The following IPCEF1 variants were observed in gnomAD, a reference collection of about 807,000 sequenced individuals.
IPCEF1 encodes interactor protein for cytohesin exchange factors 1.
IPCEF1 carries 31 observed loss-of-function variants against 50.9 expected under a neutral mutation model. That is an observed-to-expected ratio of 0.61 (90% CI 0.46 to 0.82). The LOEUF (loss-of-function observed/expected upper bound fraction) is 0.82, where lower values mean the gene tolerates loss of function less well. Ranked by LOEUF, IPCEF1 falls within the 40% of genes least tolerant of loss-of-function variation. IPCEF1 has a pLI of 0.00. For missense variants in IPCEF1, 458 were observed against 514.0 expected (o/e 0.89, Z 1.05); for synonymous variants, 181 against 192.0 (o/e 0.94, Z 0.47).
chr6:154,243,311 G>A (rs1401993624), intron 5 of IPCEF1, among the ~76,000 whole-genome samples: 2 of 152,212 alleles, frequency 1.3e-5, no homozygotes, highest in Non-Finnish European at 2.9e-5. Context: ...TTCTACGGCT[G>A]TTAAACTTGC....
Position 154,248,306 on chromosome 6 carries a change from C to CGTGTAT in IPCEF1, c.37-819_37-818insATACAC, listed in dbSNP as rs138534076. Among the ~76,000 whole-genome samples the CGTGTAT allele has an allele frequency of 2.9e-3, 426 of 147,344 alleles. 2 individuals carry two copies. Among genetic ancestry groups the CGTGTAT allele is most frequent in the African/African-American group, 0.01 (416 of 40,408 alleles). ...AAATATTTTTAAGTGCTTTAAAATA[C>CGTGTAT]GTGTGTGTGTGTGTGTGTGTGTGTG... On this transcript the variant is annotated intron_variant, in intron 3 of 11. Transcript: ENST00000367220.
chr6:154,203,936 G>T (rs964551890), intron 9 of IPCEF1, among the ~76,000 whole-genome samples: 1 of 152,130 alleles, frequency 6.6e-6, no homozygotes, highest in Non-Finnish European at 1.5e-5. Flanking sequence ...GGGGCTATCG[G>T]TGCCAATTAC....
intron 10 of IPCEF1, among the ~76,000 whole-genome samples, chr6:154,182,606 C>T (rs566136125): frequency 1.7e-4 from 26 of 152,126 alleles, no homozygotes; most frequent in Non-Finnish European, 3.2e-4. Flanking sequence ...CGTTGGTGTA[C>T]ATACAAAAAA....
chr6:154,254,793 T>G (rs73001447), intron 3 of IPCEF1, among the ~76,000 whole-genome samples: 19,285 of 152,236 alleles, frequency 0.13, 1,412 homozygotes, highest in Non-Finnish European at 0.17. Context: ...TTTGATTTTT[T>G]TTAATATAAC....
chr6:154,259,201 A>G (rs561946713), intron 3 of IPCEF1, among the ~76,000 whole-genome samples: 2 of 152,360 alleles, frequency 1.3e-5, no homozygotes, highest in South Asian at 4.1e-4. Context: ...AATTCACAGG[A>G]AGAGTTGACT....
intron 1 of IPCEF1, among the ~76,000 whole-genome samples, chr6:154,345,506 T>C (rs1203922531): frequency 6.6e-6 from 1 of 152,176 alleles, no homozygotes; most frequent in Admixed American, 6.6e-5. Flanking sequence ...TACAAGCCAA[T>C]TAAGAATAAT....
Position 154,168,166 on chromosome 6 carries a change from G to T in IPCEF1, c.911-53C>A. On this transcript the variant is annotated intron_variant, in intron 10 of 11. Coordinates refer to ENST00000367220, the MANE Select transcript of IPCEF1 (RefSeq NM_001130700.2). The surrounding 1 kb of genome is among the most constrained non-coding windows in gnomAD (Gnocchi z 4.1). ...AACAATAAACCCAGTGAAAAATCAA[G>T]GAGAGAACATTCAATACTGTGGTCC... 7.2e-7 allele frequency: 1 copy of T among 1,383,694 alleles called. No individual in the cohort carries two copies. The highest frequency in any genetic ancestry group is 9.8e-7 in the Non-Finnish European group (1 of 1,017,606). The allele number at this position is 1,383,694 out of a possible 1,614,324, so 85.7% of individuals were successfully genotyped here.
chr6:154,321,153 A>C (rs1256208165), intron 1 of IPCEF1, among the ~76,000 whole-genome samples: 1 of 150,992 alleles, frequency 6.6e-6, no homozygotes, highest in Admixed American at 6.6e-5. Context: ...CTAGTTTCGA[A>C]CTTCTGGGCT....
chr6:154,216,509 C>T (rs999509920), intron 7 of IPCEF1, among the ~76,000 whole-genome samples: 2 of 152,112 alleles, frequency 1.3e-5, no homozygotes, highest in Admixed American at 6.5e-5. Context: ...ACTTCAAAAA[C>T]GATATGTTTT....
intron 11 of IPCEF1, among the ~76,000 whole-genome samples, chr6:154,160,469 T>C (rs1225580862): frequency 2.0e-5 from 3 of 152,248 alleles, no homozygotes; most frequent in Non-Finnish European, 4.4e-5. Flanking sequence ...ACATAAAATA[T>C]GTCTTTTAAG....
At chr6:154,193,166 A>G (rs1374906616) in intron 10 of IPCEF1, among the ~76,000 whole-genome samples, 1 of 152,210 alleles carries the variant, frequency 6.6e-6, no homozygotes, top group Non-Finnish European at 1.5e-5. Flanking sequence ...GTACATATAT[A>G]CCATAGAATA....
chr6:154,281,772 G>A (rs909589878), intron 2 of IPCEF1, among the ~76,000 whole-genome samples: 1 of 152,138 alleles, frequency 6.6e-6, no homozygotes, highest in Non-Finnish European at 1.5e-5. Context: ...GGAGGCTGAG[G>A]TGGGTGGATC....
intron 11 of IPCEF1, among the ~76,000 whole-genome samples, chr6:154,160,516 T>A (rs1372455110): frequency 6.6e-6 from 1 of 152,244 alleles, no homozygotes; most frequent in Non-Finnish European, 1.5e-5. Flanking sequence ...ATAAATCACA[T>A]TTATTTAATA....
chr6:154,253,046 C>A (rs938468709), intron 3 of IPCEF1, among the ~76,000 whole-genome samples: 1 of 152,160 alleles, frequency 6.6e-6, no homozygotes, highest in African/African-American at 2.4e-5. Context: ...TCATCCATTT[C>A]TTTCTGCCTT....
At chr6:154,247,229 T>C in intron 4 of IPCEF1, 1 of 527,180 alleles carries the variant, frequency 1.9e-6, no homozygotes, top group South Asian at 2.8e-5. Flanking sequence ...TGCCAGTTTT[T>C]CTAAGCTCTT....
chr6:154,276,132 C>T (rs371845884), intron 2 of IPCEF1, among the ~76,000 whole-genome samples: 3 of 150,962 alleles, frequency 2.0e-5, no homozygotes, highest in African/African-American at 7.3e-5. Flanking sequence ...TGCAGTGAGC[C>T]GAGATTGTGC....
intron 10 of IPCEF1, among the ~76,000 whole-genome samples, chr6:154,173,421 G>GA (rs571327714): frequency 2.0e-5 from 3 of 151,994 alleles, no homozygotes; most frequent in African/African-American, 7.2e-5. Context: ...TAAAAACCTT[G>GA]AAAAAAAGAT....
intron 5 of IPCEF1, among the ~76,000 whole-genome samples, chr6:154,232,832 G>A (rs1439787179): frequency 6.6e-6 from 1 of 152,082 alleles, no homozygotes; most frequent in African/African-American, 2.4e-5. Context: ...GTGTAATAAT[G>A]TAAAATTTGT....
chr6:154,246,488 A>G (rs1000158431), intron 5 of IPCEF1, 103 bp downstream of exon 5: 3 of 1,327,738 alleles, frequency 2.3e-6, no homozygotes, highest in African/African-American at 2.9e-5. Flanking sequence ...ACTCCGCTCC[A>G]ATTCCCAGAA....
Sources: allele counts gnomAD v4.1 joint callset (sites outside exome capture counted in the v4.1 genomes callset), GRCh38; gene constraint gnomAD v4.1.1; non-coding constraint Gnocchi (gnomAD v3.1); transcripts MANE v1.5; gene names NCBI Gene and HGNC (gene_info 2026-07-23, HGNC 2026-07-21).